CDCA5: variants seen among roughly 807,000 people sequenced by gnomAD.
CDCA5 encodes the protein sororin.
A neutral mutation model predicts 25.7 loss-of-function variants in CDCA5; 14 were observed. The ratio of observed to expected loss-of-function variants is 0.54; its 90% confidence interval spans 0.36 to 0.85. The LOEUF is 0.85. Among genes scored for constraint, CDCA5 ranks in the 40% least tolerant of loss-of-function variants. CDCA5 has a pLI of 0.01. For missense variants in CDCA5, 307 were observed against 324.5 expected (o/e 0.95, Z 0.41); for synonymous variants, 127 against 128.7 (o/e 0.99, Z 0.09).
At chr11:65,065,357 G>A (rs1037529902), downstream of CDCA5, among the ~76,000 whole-genome samples, 1 of 152,024 alleles carries the variant, frequency 6.6e-6, no homozygotes, top group Non-Finnish European at 1.5e-5. Context: ...GTGCCACCTT[G>A]GTGCGCTGAA....
intron 1 of CDCA5, 85 bp downstream of exon 1, chr11:65,083,848 G>A: frequency 6.3e-7 from 1 of 1,593,682 alleles, no homozygotes; most frequent in Non-Finnish European, 8.6e-7. Context: ...TCCGGCGGCG[G>A]CAGCGGGAGG....
intron 4 of CDCA5, among the ~76,000 whole-genome samples, chr11:65,080,898 G>A (rs1166435469): frequency 6.6e-6 from 1 of 152,208 alleles, no homozygotes; most frequent in Non-Finnish European, 1.5e-5. Context: ...AGGAGAGAGT[G>A]CTTGGGGCAG....
chr11:65,076,006 AAG>A (rs1286326942), downstream of CDCA5, among the ~76,000 whole-genome samples: 2 of 152,238 alleles, frequency 1.3e-5, no homozygotes, highest in Non-Finnish European at 1.5e-5. Flanking sequence ...TGAGCTGTTA[AAG>A]AGAGTGACGA....
intron 5 of CDCA5, chr11:65,066,708 G>A (rs1335320416): frequency 3.9e-6 from 5 of 1,287,146 alleles, no homozygotes; most frequent in Non-Finnish European, 1.0e-6. Context: ...GGCTCGAGGT[G>A]GGTAGCCAGC....
At chr11:65,072,000 C>G (rs951173953) in intron 1 of CDCA5, among the ~76,000 whole-genome samples, 3 of 152,190 alleles carry the variant, frequency 2.0e-5, no homozygotes, top group Non-Finnish European at 4.4e-5. Context: ...TTGTTGAAGG[C>G]CCTTCCCTGA....
downstream of CDCA5, among the ~76,000 whole-genome samples, chr11:65,073,475 C>A (rs753605618): frequency 2.0e-5 from 3 of 152,112 alleles, no homozygotes; most frequent in Non-Finnish European, 2.9e-5. Flanking sequence ...GACGCGTGAG[C>A]CAGACTTAAT....
chr11:65,067,766 G>T, intron 3 of CDCA5: 1 of 1,282,448 alleles, frequency 7.8e-7, no homozygotes, highest in Non-Finnish European at 1.0e-6. Flanking sequence ...GGAGCAAGTG[G>T]GTAGTGAAGG....
downstream of CDCA5, among the ~76,000 whole-genome samples, chr11:65,075,159 G>A (rs967134768): frequency 1.3e-5 from 2 of 151,974 alleles, no homozygotes; most frequent in Admixed American, 6.6e-5. Context: ...CACTTTGGGA[G>A]GCTGAGTTGG....
downstream of CDCA5, among the ~76,000 whole-genome samples, chr11:65,061,796 C>A (rs1317547931): frequency 8.5e-3 from 1,071 of 126,360 alleles, 5 homozygotes; most frequent in Middle Eastern, 0.02. Flanking sequence ...AAAAAAAAAA[C>A]AAAAAAAACC....
downstream of CDCA5, among the ~76,000 whole-genome samples, chr11:65,076,631 A>T (rs374225008): frequency 3.3e-5 from 5 of 152,198 alleles, no homozygotes; most frequent in East Asian, 7.7e-4. Context: ...GATGACTAGG[A>T]GGCAAGTACA....
chr11:65,070,853 GAATATTAGCAT>G (rs1204874236), intron 1 of CDCA5, among the ~76,000 whole-genome samples: 1 of 152,144 alleles, frequency 6.6e-6, no homozygotes, highest in Admixed American at 6.5e-5. Flanking sequence ...TAGGATTTTG[GAATATTAGCAT>G]TATCTGAAAA....
At chr11:65,076,280 A>AT (rs1308623587), downstream of CDCA5, among the ~76,000 whole-genome samples, 3 of 91,164 alleles carry the variant, frequency 3.3e-5, no homozygotes, top group Non-Finnish European at 6.9e-5. Context: ...ACGCCCATTT[A>AT]TTTTTTTTAC....
At position 65,079,202 on chromosome 11, in the gene CDCA5, A is replaced by G. The variant is rs753160448; in HGVS notation, c.679-15T>C. On this transcript the variant is annotated splice_polypyrimidine_tract_variant and intron_variant, in intron 5 of 5. Transcript: ENST00000275517. ...AGCTCCGTTTTCTGAGGGAAGAGAAATGAGGAGCAGGTGAGTGAGAAGGGA... is the reference window on the plus strand; with the variant it reads ...AGCTCCGTTTTCTGAGGGAAGAGAAGTGAGGAGCAGGTGAGTGAGAAGGGA... 1.3e-6 allele frequency: 2 copies of G among 1,531,742 alleles called. No homozygotes were observed. Among genetic ancestry groups the G allele is most frequent in the Admixed American group, 2.1e-5 (1 of 46,778 alleles). The allele number at this position is 1,531,742 out of a possible 1,614,324, so 94.9% of individuals were successfully genotyped here.
Position 65,078,830 on chromosome 11 carries a change from C to G in CDCA5, c.*277G>C, listed in dbSNP as rs1947496705. The G allele has an allele frequency of 1.7e-6, 2 of 1,173,202 alleles. No homozygotes were observed. The highest frequency in any genetic ancestry group is 2.1e-6 in the Non-Finnish European group (2 of 950,374). The allele number at this position is 1,173,202 out of a possible 1,614,324, so 72.7% of individuals were successfully genotyped here. Reference sequence around the variant, plus strand: ...TTCTCCTCCCCAGTCTGTGGCCCATCTGGAAACTGGCTATGGTACTTTGGG... The same window carrying G: ...TTCTCCTCCCCAGTCTGTGGCCCATGTGGAAACTGGCTATGGTACTTTGGG... On this transcript the variant is annotated 3_prime_UTR_variant, in exon 6 of 6. Coordinates refer to ENST00000275517, the MANE Select transcript of CDCA5 (RefSeq NM_080668.4).
At chr11:65,076,607 C>G (rs1254723091), downstream of CDCA5, among the ~76,000 whole-genome samples, 1 of 152,124 alleles carries the variant, frequency 6.6e-6, no homozygotes, top group East Asian at 1.9e-4. Flanking sequence ...AACTTAATGG[C>G]TTTGATTTGT....
At chr11:65,083,450 G>A (rs1379564107) in intron 3 of CDCA5, 35 bp downstream of exon 3, 1 of 1,614,024 alleles carries the variant, frequency 6.2e-7, no homozygotes, top group Admixed American at 1.7e-5. Context: ...AGTTTTGCCC[G>A]CCTAACCACC....
chr11:65,069,292 C>T (rs988014200), intron 1 of CDCA5, among the ~76,000 whole-genome samples: 8 of 151,852 alleles, frequency 5.3e-5, no homozygotes, highest in Non-Finnish European at 5.9e-5. Context: ...TTTTTCACCC[C>T]GGTATTTTTC....
At chr11:65,061,362 C>T (rs1352512360), downstream of CDCA5, among the ~76,000 whole-genome samples, 17 of 152,192 alleles carry the variant, frequency 1.1e-4, no homozygotes, top group South Asian at 1.0e-3. Flanking sequence ...TGCAGCCTCA[C>T]GAGAGTCCCT....
chr11:65,071,951 T>C (rs962346747), intron 1 of CDCA5, among the ~76,000 whole-genome samples: 10 of 152,284 alleles, frequency 6.6e-5, no homozygotes, highest in Admixed American at 5.2e-4. Flanking sequence ...GCCTGTGAAA[T>C]GGGTATTCAA....
Sources: allele counts gnomAD v4.1 joint callset (sites outside exome capture counted in the v4.1 genomes callset), GRCh38; gene constraint gnomAD v4.1.1; transcripts MANE v1.5; gene names NCBI Gene and HGNC (gene_info 2026-07-23, HGNC 2026-07-21).